Variants in CDH13 observed in about 807,000 individuals in gnomAD.
The protein encoded by CDH13 is cadherin 13.
A neutral mutation model predicts 63.8 loss-of-function variants in CDH13; 24 were observed. The ratio of observed to expected loss-of-function variants is 0.38; its 90% confidence interval spans 0.27 to 0.53. CDH13 has a LOEUF of 0.53. Ranked by LOEUF, CDH13 falls within the 20% of genes least tolerant of loss-of-function variation. CDH13 has a pLI of 0.85. For synonymous variants in CDH13, 503 were observed against 355.3 expected (o/e 1.42, Z -4.67); for missense variants, 1,049 against 903.1 (o/e 1.16, Z -2.07).
intron 3 of CDH13, among the ~76,000 whole-genome samples, chr16:83,040,487 C>A (rs532460938): frequency 6.6e-6 from 1 of 152,278 alleles, no homozygotes; most frequent in South Asian, 2.1e-4. Context: ...GTAAGTCCAA[C>A]AGTCCAAAAG....
At chr16:82,706,290 G>A (rs1394584650) in intron 1 of CDH13, among the ~76,000 whole-genome samples, 3 of 152,166 alleles carry the variant, frequency 2.0e-5, no homozygotes, top group African/African-American at 7.2e-5. Flanking sequence ...GAGTAACACA[G>A]GTGATAAATA....
chr16:83,023,359 T>A (rs111582437), intron 2 of CDH13, among the ~76,000 whole-genome samples: 7 of 152,284 alleles, frequency 4.6e-5, no homozygotes, highest in South Asian at 2.1e-4. Context: ...AGAATGATGT[T>A]ATGCAATTTA....
chr16:82,627,454 C>A (rs910953887), intron 1 of CDH13, among the ~76,000 whole-genome samples: 1 of 151,846 alleles, frequency 6.6e-6, no homozygotes, highest in Non-Finnish European at 1.5e-5. Flanking sequence ...TCGCCCACAT[C>A]AAGTGGGGTA....
intron 6 of CDH13, among the ~76,000 whole-genome samples, chr16:83,485,338 C>T (rs555317746): frequency 7.2e-5 from 11 of 152,160 alleles, no homozygotes; most frequent in Non-Finnish European, 1.5e-4. Context: ...TACCAGTTTC[C>T]CTTTATATCA....
chr16:82,823,470 T>G (rs1002378889), intron 1 of CDH13: 2 of 152,142 alleles, frequency 1.3e-5, no homozygotes, highest in African/African-American at 4.8e-5. Flanking sequence ...ATAAAAAGCC[T>G]ATTCTAAAAT....
chr16:83,050,941 C>A (rs1381389082), intron 3 of CDH13, among the ~76,000 whole-genome samples: 3 of 152,150 alleles, frequency 2.0e-5, no homozygotes, highest in Non-Finnish European at 4.4e-5. Context: ...TACTTCTTAT[C>A]CTTTCTCTCT....
chr16:83,419,540 C>G (rs1028329143), intron 6 of CDH13, among the ~76,000 whole-genome samples: 1 of 152,236 alleles, frequency 6.6e-6, no homozygotes, highest in East Asian at 1.9e-4. Flanking sequence ...CATTACAGAA[C>G]AATTGCCATG....
chr16:82,843,179 T>G (rs1267218898), intron 1 of CDH13, among the ~76,000 whole-genome samples: 1 of 152,200 alleles, frequency 6.6e-6, no homozygotes, highest in Non-Finnish European at 1.5e-5. Flanking sequence ...TCCTATAATG[T>G]TCTGTGTTTC....
chr16:83,006,154 G>C lies in CDH13; in HGVS notation c.158-25856G>C, dbSNP rs554525140. Reference sequence around the variant, plus strand: ...AGCTTTCTGGTAATTTTCATCTACTGGCAGCTCAGTGGGGGCATTTTCAAG... The same window carrying C: ...AGCTTTCTGGTAATTTTCATCTACTCGCAGCTCAGTGGGGGCATTTTCAAG... On this transcript the variant is annotated intron_variant, in intron 2 of 13. Coordinates refer to ENST00000567109, the MANE Select transcript of CDH13 (RefSeq NM_001257.5). 2.6e-4 allele frequency among the ~76,000 whole-genome samples: 39 copies of C among 152,190 alleles called. No individual in the cohort carries two copies. The South Asian group carries it at 7.1e-3, about 28-fold the overall frequency.
intron 1 of CDH13, among the ~76,000 whole-genome samples, chr16:82,684,091 G>T (rs980553285): frequency 6.6e-6 from 1 of 152,186 alleles, no homozygotes; most frequent in African/African-American, 2.4e-5. Context: ...GAATAGCCAT[G>T]ATCAAAGTAA....
chr16:83,040,317 T>C (rs1248975040), intron 3 of CDH13, among the ~76,000 whole-genome samples: 4 of 152,130 alleles, frequency 2.6e-5, no homozygotes, highest in African/African-American at 4.8e-5. Context: ...ATTAGGAGAA[T>C]TGACTCACAT....
chr16:83,397,112 C>T (rs761948419), intron 6 of CDH13, among the ~76,000 whole-genome samples: 6 of 152,106 alleles, frequency 3.9e-5, no homozygotes, highest in Non-Finnish European at 5.9e-5. Context: ...TACCCCCACT[C>T]CCCAGCATGT....
intron 1 of CDH13, among the ~76,000 whole-genome samples, chr16:82,838,126 G>A (rs754354704): frequency 6.6e-6 from 1 of 152,174 alleles, no homozygotes; most frequent in Non-Finnish European, 1.5e-5. Context: ...TGTTTTGAAA[G>A]CTCTTCCCCT....
intron 4 of CDH13, among the ~76,000 whole-genome samples, chr16:83,146,315 T>G (rs1245786819): frequency 6.6e-6 from 1 of 152,222 alleles, no homozygotes; most frequent in Non-Finnish European, 1.5e-5. Flanking sequence ...TTGAAGACAT[T>G]ATGTCTAGAT....
At chr16:83,398,421 T>A (rs1336316718) in intron 6 of CDH13, among the ~76,000 whole-genome samples, 1 of 152,170 alleles carries the variant, frequency 6.6e-6, no homozygotes, top group African/African-American at 2.4e-5. Context: ...TTCTCAAATG[T>A]CCCTCTGCCT....
At chr16:83,250,765 T>C (rs1905431682) in intron 5 of CDH13, among the ~76,000 whole-genome samples, 1 of 152,136 alleles carries the variant, frequency 6.6e-6, no homozygotes, top group African/African-American at 2.4e-5. Flanking sequence ...TAAGTGCACA[T>C]AGGAAGCACT....
In CDH13 at chr16:82,860,305, A is replaced by G. The variant is rs1341346745; in HGVS notation, c.157+1832A>G. ...TTTTAATTCGCTGCTGAGAAGCTGGAAACAATCATACTTTGGGGGGATCTT... is the reference window on the plus strand; with the variant it reads ...TTTTAATTCGCTGCTGAGAAGCTGGGAACAATCATACTTTGGGGGGATCTT... On this transcript the variant is annotated intron_variant, in intron 2 of 13. Transcript: ENST00000567109. 2.1e-5 allele frequency among the ~76,000 whole-genome samples: 3 copies of G among 145,068 alleles called. No individual in the cohort carries two copies. The Admixed American group carries it at 2.2e-4, about 11-fold the overall frequency.
chr16:83,472,218 T>G (rs1040088987), intron 6 of CDH13, among the ~76,000 whole-genome samples: 2 of 152,206 alleles, frequency 1.3e-5, no homozygotes, highest in African/African-American at 4.8e-5. Context: ...AGCTGTTCAG[T>G]GGCAGAGCTG....
intron 12 of CDH13, among the ~76,000 whole-genome samples, chr16:83,781,513 T>C (rs928298045): frequency 1.3e-5 from 2 of 152,246 alleles, no homozygotes; most frequent in Non-Finnish European, 2.9e-5. Flanking sequence ...AAAAATCTCA[T>C]ATCTATTGTT....
Sources: allele counts gnomAD v4.1 joint callset (sites outside exome capture counted in the v4.1 genomes callset), GRCh38; gene constraint gnomAD v4.1.1; transcripts MANE v1.5; gene names NCBI Gene and HGNC (gene_info 2026-07-23, HGNC 2026-07-21).